Variants in PPFIBP2 observed in about 807,000 individuals in gnomAD.
PPFIBP2 encodes the protein liprin-beta-2.
Under a neutral mutation model 118.3 loss-of-function variants are expected in PPFIBP2, and 118 were observed. The ratio of observed to expected loss-of-function variants is 1.00; its 90% CI spans 0.86 to 1.16. The LOEUF is 1.16. Ranked by LOEUF, PPFIBP2 falls within the 50% of genes most tolerant of loss-of-function variation. The pLI is 0.00. For missense variants in PPFIBP2, 1,195 were observed against 1,073.1 expected (o/e 1.11, Z -1.59); for synonymous variants, 414 against 397.4 (o/e 1.04, Z -0.50).
chr11:7,560,521 T>C (rs1854179832), intron 2 of PPFIBP2, among the ~76,000 whole-genome samples: 1 of 152,128 alleles, frequency 6.6e-6, no homozygotes, highest in African/African-American at 2.4e-5. Flanking sequence ...ATATTCTTTC[T>C]TTCAGAAGTT....
chr11:7,637,694 T>C (rs1239440612), intron 14 of PPFIBP2, among the ~76,000 whole-genome samples: 1 of 152,254 alleles, frequency 6.6e-6, no homozygotes, highest in Non-Finnish European at 1.5e-5. Context: ...AGCATCCTTG[T>C]TTCCTCTGCG....
Position 7,632,886 on chromosome 11 carries a change from C to G in PPFIBP2, c.1088C>G (p.Ser363Cys), listed in dbSNP as rs778696834. Residue 363 changes from serine (S) to cysteine (C), a missense_variant, in exon 12 of 24, where the codon TCT becomes TGT. Ser to Cys is a moderately radical substitution (Grantham distance 112). Transcript: ENST00000299492. ...GTGCAGATGCCTCCAAGATGTAGCTCTCCTACAGTGGGGCCACCTCCATTG... is the reference window on the plus strand; with the variant it reads ...GTGCAGATGCCTCCAAGATGTAGCTGTCCTACAGTGGGGCCACCTCCATTG... ...FKQEMPPRCS[S>C]PTVGPPPLPQ... 1 of 1,613,888 alleles carries G rather than the reference C, an allele frequency of 6.2e-7. No homozygotes were observed. Among genetic ancestry groups the G allele is most frequent in the Admixed American group, 1.7e-5 (1 of 60,000 alleles).
At position 7,635,549 on chromosome 11, in the gene PPFIBP2, T is replaced by C. The variant is rs1017809597; in HGVS notation, c.1195-3T>C. ...TAAACGAAATCCTCATGTTACTCCA[T>C]AGTGTATGGATGGGAACCAGCCCTT... is the stretch of plus-strand genomic sequence containing the variant. On this transcript the variant is annotated splice_polypyrimidine_tract_variant and splice_region_variant and intron_variant, in intron 13 of 23. Coordinates refer to ENST00000299492, the MANE Select transcript of PPFIBP2 (RefSeq NM_003621.5). 6.2e-7 allele frequency: 1 copy of C among 1,608,304 alleles called. No homozygotes were observed. The highest frequency in any genetic ancestry group is 2.2e-5 in the East Asian group (1 of 44,858).
intron 1 of PPFIBP2, chr11:7,548,567 G>A (rs1391634644): frequency 6.6e-6 from 1 of 152,170 alleles, no homozygotes; most frequent in African/African-American, 2.4e-5. Context: ...GGAGAGGGTG[G>A]GGAACAAGAA....
intron 3 of PPFIBP2, among the ~76,000 whole-genome samples, chr11:7,587,269 C>A (rs571365564): frequency 1.3e-3 from 201 of 152,326 alleles, no homozygotes; most frequent in Admixed American, 4.8e-3. Context: ...TCTCAATTAG[C>A]CCCTGATGAT....
the PPFIBP2 span, among the ~76,000 whole-genome samples, chr11:7,663,536 C>A: frequency 1.3e-5 from 2 of 152,168 alleles, no homozygotes; most frequent in African/African-American, 4.8e-5. Flanking sequence ...CTGGGAGAAC[C>A]ACTGCTCTCT....
At chr11:7,526,765 C>T (rs1850271948) in intron 1 of PPFIBP2, among the ~76,000 whole-genome samples, 1 of 152,092 alleles carries the variant, frequency 6.6e-6, no homozygotes, top group Non-Finnish European at 1.5e-5. Context: ...TCCCAAGTCG[C>T]AGGCTGAACA....
chr11:7,630,933 G>C lies in PPFIBP2; in HGVS notation c.973G>C (p.Glu325Gln). The C allele has an allele frequency of 6.2e-7, 1 of 1,613,838 alleles. No individual in the cohort carries two copies. Among genetic ancestry groups the C allele is most frequent in the South Asian group, 1.1e-5 (1 of 91,076 alleles). Residue 325 changes from glutamate to glutamine, a missense_variant, in exon 11 of 24, where the codon GAG (glutamate) becomes CAG (glutamine). By Grantham distance (29) the Glu-to-Gln change is conservative. Coordinates refer to ENST00000299492, the MANE Select transcript of PPFIBP2 (RefSeq NM_003621.5). ...TACCTTAATGCTTGCAGGGCCTTCG[G>C]AGAGAACTCTCTCAATCAATGAAGA... The part of the protein sequence containing the change: ...EIVMVTQGPS[E>Q]RTLSINEEEP...
At chr11:7,591,198 A>G (rs1859221722) in intron 3 of PPFIBP2, among the ~76,000 whole-genome samples, 1 of 152,112 alleles carries the variant, frequency 6.6e-6, no homozygotes, top group Non-Finnish European at 1.5e-5. Context: ...ACTGCACACC[A>G]TTTGAATAAG....
intron 5 of PPFIBP2, chr11:7,605,932 A>AGAATGTGAAGCG: frequency 6.5e-7 from 1 of 1,528,622 alleles, no homozygotes; most frequent in Non-Finnish European, 8.7e-7. Flanking sequence ...CTGAGGTCAA[A>AGAATGTGAAGCG]GAATGTGAAG....
chr11:7,562,885 G>T (rs1854449753), intron 2 of PPFIBP2, among the ~76,000 whole-genome samples: 1 of 141,628 alleles, frequency 7.1e-6, no homozygotes, highest in African/African-American at 2.5e-5. Flanking sequence ...TTTTGTTAAA[G>T]TAATAAAAGA....
downstream of PPFIBP2, chr11:7,655,544 GCC>G: frequency 1.6e-6 from 2 of 1,266,940 alleles, no homozygotes; most frequent in Non-Finnish European, 2.1e-6. Flanking sequence ...TGCCAGGGAG[GCC>G]CAGTGAGTTT....
intron 10 of PPFIBP2, 42 bp downstream of exon 10, chr11:7,629,576 T>A: frequency 2.5e-6 from 4 of 1,593,382 alleles, no homozygotes; most frequent in Non-Finnish European, 3.4e-6. Flanking sequence ...TGAAAGATAT[T>A]CCATCAGCTG....
Position 7,549,259 on chromosome 11 carries a change from C to T in PPFIBP2, c.-36-181C>T, listed in dbSNP as rs557678963. ...TGAATGGGATTGTGTGCTAAAGATT[C>T]ATGGAAAAAGCACTCATGCCAAGAG... On this transcript the variant is annotated intron_variant, in intron 1 of 23. Transcript: ENST00000299492. 1.2e-3 allele frequency among the ~76,000 whole-genome samples: 183 copies of T among 152,232 alleles called. 2 individuals are homozygous for T. Among genetic ancestry groups the T allele is most frequent in the African/African-American group, 4.2e-3 (173 of 41,536 alleles).
intron 1 of PPFIBP2, among the ~76,000 whole-genome samples, chr11:7,548,959 G>A (rs1852636088): frequency 6.6e-6 from 1 of 152,224 alleles, no homozygotes; most frequent in African/African-American, 2.4e-5. Flanking sequence ...CCCAAGGAAA[G>A]CACTGCAGGC....
intron 3 of PPFIBP2, among the ~76,000 whole-genome samples, chr11:7,566,375 G>A (rs1177241837): frequency 6.6e-6 from 1 of 152,080 alleles, no homozygotes; most frequent in Non-Finnish European, 1.5e-5. Context: ...TTATTTTTGA[G>A]ACAGGGTCTT....
chr11:7,559,219 G>A (rs1328052400), intron 2 of PPFIBP2, among the ~76,000 whole-genome samples: 1 of 152,206 alleles, frequency 6.6e-6, no homozygotes, highest in Non-Finnish European at 1.5e-5. Context: ...GAAATCTGGG[G>A]GGCAAATCTT....
chr11:7,662,255 C>G, the PPFIBP2 span, among the ~76,000 whole-genome samples: 1 of 152,188 alleles, frequency 6.6e-6, no homozygotes, highest in Non-Finnish European at 1.5e-5. Flanking sequence ...ATGGTCTTTA[C>G]ATTGTGGCAT....
In PPFIBP2 at chr11:7,598,285, T is replaced by G. The variant is rs1214397600; in HGVS notation, c.486+612T>G. On this transcript the variant is annotated intron_variant, in intron 5 of 23. Coordinates refer to ENST00000299492, the MANE Select transcript of PPFIBP2 (RefSeq NM_003621.5). ...TCCTCAGATTTTGTATGCTTAATATTATATTTTTCCCATTTAAAATTTTTG... is the reference window on the plus strand; with the variant it reads ...TCCTCAGATTTTGTATGCTTAATATGATATTTTTCCCATTTAAAATTTTTG... 4 of 322,720 alleles carry G rather than the reference T, an allele frequency of 1.2e-5. No individual in the cohort carries two copies. The Admixed American group carries it at 1.6e-4, about 13-fold the overall frequency. 20.0% of individuals were successfully genotyped at this position (322,720 alleles called of 1,614,324 possible). A position where few individuals can be genotyped will look rare whatever the true frequency, so the allele number is the denominator to read the frequency against.
Sources: allele counts gnomAD v4.1 joint callset (sites outside exome capture counted in the v4.1 genomes callset), GRCh38; gene constraint gnomAD v4.1.1; transcripts MANE v1.5; gene names NCBI Gene and HGNC (gene_info 2026-07-23, HGNC 2026-07-21).